The following NBEA variants were observed in gnomAD, a reference collection of about 807,000 sequenced individuals.
NBEA encodes neurobeachin.
Under a neutral mutation model 343.4 loss-of-function variants are expected in NBEA, and 44 were observed. The observed-to-expected ratio is 0.13, with a 90% CI of 0.10 to 0.16. The LOEUF (loss-of-function observed/expected upper bound fraction) is 0.16. Ranked by LOEUF, NBEA falls within the 10% of genes least tolerant of loss-of-function variation. NBEA has a pLI of 1.00. For synonymous variants in NBEA, 1,175 were observed against 1,238.7 expected, an observed-to-expected ratio of 0.95 and a Z score of 1.08; for missense variants, 2,555 against 3,631.3, an observed-to-expected ratio of 0.70 and a Z score of 7.62.
chr13:35,120,749 G>C (rs1205896258), intron 16 of NBEA, among the ~76,000 whole-genome samples: 1 of 129,442 alleles, frequency 7.7e-6, no homozygotes, highest in East Asian at 2.6e-4. Flanking sequence ...AAATTTCAAA[G>C]AAAGGAATAG....
intron 48 of NBEA, among the ~76,000 whole-genome samples, chr13:35,610,663 G>C (rs1014637068): frequency 1.3e-5 from 2 of 152,108 alleles, no homozygotes; most frequent in African/African-American, 4.8e-5. Context: ...TTTTAGATAT[G>C]ACAACAAAAG....
intron 34 of NBEA, among the ~76,000 whole-genome samples, chr13:35,239,554 G>A (rs1388842452): frequency 6.6e-6 from 1 of 152,044 alleles, no homozygotes; most frequent in Non-Finnish European, 1.5e-5. Flanking sequence ...CAGGATTCTG[G>A]CTGAAGAAAG....
At chr13:35,303,874 G>A (rs138804102) in intron 35 of NBEA, among the ~76,000 whole-genome samples, 98 of 152,158 alleles carry the variant, frequency 6.4e-4, no homozygotes, top group Non-Finnish European at 1.3e-3. Flanking sequence ...GTTTACTCTA[G>A]TTACCACTTT....
chr13:35,113,582 C>A (rs1435264863), intron 13 of NBEA, among the ~76,000 whole-genome samples: 1 of 123,420 alleles, frequency 8.1e-6, no homozygotes, highest in African/African-American at 3.2e-5. Flanking sequence ...TTTACTCCTC[C>A]ACTCATCTAT....
At chr13:35,306,599 C>A (rs141367554) in intron 35 of NBEA, among the ~76,000 whole-genome samples, 7 of 152,158 alleles carry the variant, frequency 4.6e-5, no homozygotes, top group African/African-American at 1.7e-4. Context: ...CCCCCACCTC[C>A]ATTATCCCTT....
chr13:35,432,336 C>T lies in NBEA; in HGVS notation c.6247C>T (p.Arg2083Cys), dbSNP rs200761216. 15 of 1,608,812 alleles carry T rather than the reference C, an allele frequency of 9.3e-6. No homozygotes were observed. Among genetic ancestry groups the T allele is most frequent in the African/African-American group, 2.7e-5 (2 of 74,838 alleles). The change falls in exon 39 of 59, where the codon CGC (arginine) becomes TGC (cysteine). Residue 2083 changes from arginine (R) to cysteine (C), a missense_variant. Transcript: ENST00000379939. ...TCTTCGTCGAAGGAGACGATTTGTT[C>T]GCAATGCATTTGGCTCCACTCATGC... is the stretch of plus-strand genomic sequence containing the variant. Reference protein sequence around the residue: ...DDLRRRRRFVRNAFGSTHAEA... With the variant: ...DDLRRRRRFVCNAFGSTHAEA...
intron 34 of NBEA, among the ~76,000 whole-genome samples, chr13:35,276,558 G>C (rs1261739456): frequency 1.3e-5 from 2 of 152,118 alleles, no homozygotes; most frequent in African/African-American, 4.8e-5. Context: ...AAACTACATG[G>C]AATCTTCAAG....
chr13:35,164,956 T>C, intron 24 of NBEA: 1 of 392,414 alleles, frequency 2.5e-6, no homozygotes, highest in Non-Finnish European at 5.1e-6. Flanking sequence ...GTATGTCATT[T>C]AAAATAAAAT....
intron 39 of NBEA, among the ~76,000 whole-genome samples, chr13:35,445,786 A>ATATATATG (rs1404087159): frequency 1.5e-4 from 6 of 40,524 alleles, no homozygotes; most frequent in African/African-American, 5.1e-4. Flanking sequence ...AAATGTTTAT[A>ATATATATG]TATATATATA....
At chr13:35,127,435 C>G (rs1320285764) in intron 17 of NBEA, among the ~76,000 whole-genome samples, 1 of 152,078 alleles carries the variant, frequency 6.6e-6, no homozygotes, top group Admixed American at 6.5e-5. Context: ...AAAACTAAGA[C>G]TAAAATAAAT....
Position 35,465,407 on chromosome 13 carries a change from G to T in NBEA, c.6449-6993G>T, listed in dbSNP as rs2075348055. ...TTTAATATATTTTAAGTGCCATAAA[G>T]ATATGGCTAGGAAACTATGGAAATA... is the stretch of plus-strand genomic sequence containing the variant. On this transcript the variant is annotated intron_variant, in intron 40 of 58. Transcript: ENST00000379939. Among the ~76,000 whole-genome samples, 5 of 152,082 alleles carry T rather than the reference G, an allele frequency of 3.3e-5. No homozygotes were observed. In the South Asian group the frequency reaches 1.0e-3, roughly 32 times the overall value.
intron 45 of NBEA, among the ~76,000 whole-genome samples, chr13:35,580,153 A>AT (rs1011633156): frequency 1.3e-5 from 2 of 151,990 alleles, no homozygotes; most frequent in Admixed American, 6.6e-5. Context: ...TTTTTGCACC[A>AT]TTTTTTCCTA....
chr13:35,330,249 T>G (rs1011220712), intron 36 of NBEA, among the ~76,000 whole-genome samples: 4 of 152,202 alleles, frequency 2.6e-5, no homozygotes, highest in Admixed American at 1.3e-4. Context: ...ATGATAACTG[T>G]AAAGCACTTA....
At position 35,257,527 on chromosome 13, in the gene NBEA, C is replaced by A. The variant is rs925867022; in HGVS notation, c.5776+24908C>A. Among the ~76,000 whole-genome samples, 10 of 152,128 alleles carry A rather than the reference C, an allele frequency of 6.6e-5. No individual in the cohort carries two copies. In the East Asian group the frequency reaches 1.9e-3, roughly 29 times the overall value. ...TACTATTTGAGATATTTAAAAAATA[C>A]TTCATGTGGTTACAGTTTCCATTTT... On this transcript the variant is annotated intron_variant, in intron 34 of 58. Coordinates refer to ENST00000379939, the MANE Select transcript of NBEA (RefSeq NM_001385012.1).
At chr13:35,155,433 G>C (rs1426076500) in intron 18 of NBEA, among the ~76,000 whole-genome samples, 2 of 152,096 alleles carry the variant, frequency 1.3e-5, no homozygotes, top group Admixed American at 6.6e-5. Flanking sequence ...AGACCAGCCT[G>C]ATCAATATGG....
intron 36 of NBEA, among the ~76,000 whole-genome samples, chr13:35,339,410 A>T (rs76459521): frequency 0.041 from 6,220 of 152,190 alleles, 148 homozygotes; most frequent in South Asian, 0.078. Context: ...TTAACAATAA[A>T]GTCAAAAATA....
intron 24 of NBEA, among the ~76,000 whole-genome samples, chr13:35,167,600 G>A (rs185740304): frequency 2.8e-4 from 42 of 151,780 alleles, no homozygotes; most frequent in African/African-American, 9.9e-4. Context: ...TCAGATCTCC[G>A]AGTTAGACCA....
intron 1 of NBEA, among the ~76,000 whole-genome samples, chr13:34,987,040 A>G: frequency 6.6e-6 from 1 of 150,874 alleles, no homozygotes; most frequent in Non-Finnish European, 1.5e-5. Context: ...TGTGAATCTG[A>G]TCCTGTCATT....
intron 34 of NBEA, among the ~76,000 whole-genome samples, chr13:35,289,497 A>G (rs918359189): frequency 2.0e-5 from 3 of 151,876 alleles, no homozygotes; most frequent in Admixed American, 6.6e-5. Context: ...AAAACTACCA[A>G]TTAAGATCTG....
Sources: allele counts gnomAD v4.1 joint callset (sites outside exome capture counted in the v4.1 genomes callset), GRCh38; gene constraint gnomAD v4.1.1; transcripts MANE v1.5; gene names NCBI Gene and HGNC (gene_info 2026-07-23, HGNC 2026-07-21).